SLC10A7: variants seen among roughly 807,000 people sequenced by gnomAD.
SLC10A7 encodes solute carrier family 10 member 7.
SLC10A7 carries 29 observed loss-of-function variants against 43.2 expected under a neutral mutation model. The ratio of observed to expected loss-of-function variants is 0.67; its 90% confidence interval spans 0.50 to 0.92. The LOEUF is 0.92. Ranked by LOEUF, SLC10A7 falls within the 40% of genes least tolerant of loss-of-function variation. The pLI, the probability that SLC10A7 is intolerant of heterozygous loss-of-function variation, is 0.00. For synonymous variants in SLC10A7, 152 were observed against 144.8 expected, an observed-to-expected ratio of 1.05 and a Z score of -0.35; for missense variants, 295 against 403.2, an observed-to-expected ratio of 0.73 and a Z score of 2.30.
chr4:146,314,767 A>G (rs913147033), intron 6 of SLC10A7, among the ~76,000 whole-genome samples: 15 of 152,062 alleles, frequency 9.9e-5, no homozygotes, highest in African/African-American at 2.9e-4. Flanking sequence ...GAGAGAGGAG[A>G]AGTGTGGCTT....
intron 10 of SLC10A7, among the ~76,000 whole-genome samples, chr4:146,265,360 G>C (rs1162513700): frequency 6.6e-6 from 1 of 152,174 alleles, no homozygotes; most frequent in Non-Finnish European, 1.5e-5. Flanking sequence ...CTGGCTCAGG[G>C]CTGGCACTTT....
At position 146,475,713 on chromosome 4, in the gene SLC10A7, T is replaced by C. The variant is rs1326870521; in HGVS notation, c.396+28136A>G. 3.9e-5 allele frequency among the ~76,000 whole-genome samples: 6 copies of C among 152,144 alleles called. No individual in the cohort carries two copies. In the East Asian group the frequency reaches 9.6e-4, roughly 24 times the overall value. On this transcript the variant is annotated intron_variant, in intron 4 of 11. Transcript: ENST00000335472. ...GATAAATATAACTTTAAATGAAAAC[T>C]ACAGAAATTGATCAAACAAGTAAAA... is the stretch of plus-strand genomic sequence containing the variant.
At chr4:146,390,172 A>G (rs894329678) in intron 5 of SLC10A7, among the ~76,000 whole-genome samples, 5 of 152,196 alleles carry the variant, frequency 3.3e-5, no homozygotes, top group Non-Finnish European at 7.3e-5. Context: ...CGAGCTCTTT[A>G]GTTGTAAGTA....
chr4:146,359,503 A>G (rs1735895433), intron 5 of SLC10A7, among the ~76,000 whole-genome samples: 1 of 152,088 alleles, frequency 6.6e-6, no homozygotes, highest in Admixed American at 6.6e-5. Flanking sequence ...GACTGGAAAA[A>G]CTATGGGTTT....
At chr4:146,456,774 C>T (rs1405675949) in intron 4 of SLC10A7, among the ~76,000 whole-genome samples, 2 of 151,796 alleles carry the variant, frequency 1.3e-5, no homozygotes. Context: ...ATCTCCAGCC[C>T]CCTCCTCTTC....
intron 4 of SLC10A7, among the ~76,000 whole-genome samples, chr4:146,446,784 CTATCTATCTATT>C (rs1308971511): frequency 3.3e-4 from 49 of 149,464 alleles, no homozygotes; most frequent in Non-Finnish European, 4.8e-4. Flanking sequence ...ATCTATCTAT[CTATCTATCTATT>C]TATCTATCTA....
chr4:146,302,168 T>A, intron 7 of SLC10A7, among the ~76,000 whole-genome samples: 1 of 152,188 alleles, frequency 6.6e-6, no homozygotes, highest in African/African-American at 2.4e-5. Context: ...GAAGAATGCA[T>A]AAGCCTTAAA....
At chr4:146,422,993 G>A (rs1351291783) in intron 5 of SLC10A7, among the ~76,000 whole-genome samples, 2 of 151,992 alleles carry the variant, frequency 1.3e-5, no homozygotes, top group African/African-American at 4.8e-5. Context: ...CAGCTACATT[G>A]AAAGCATTAC....
intron 6 of SLC10A7, among the ~76,000 whole-genome samples, chr4:146,319,483 C>T (rs1732546419): frequency 2.0e-5 from 3 of 152,174 alleles, no homozygotes; most frequent in African/African-American, 4.8e-5. Context: ...GTCTTCAGCA[C>T]TTATCACCCA....
At chr4:146,285,734 T>C (rs972265849) in intron 9 of SLC10A7, among the ~76,000 whole-genome samples, 1 of 152,250 alleles carries the variant, frequency 6.6e-6, no homozygotes, top group African/African-American at 2.4e-5. Flanking sequence ...AAGGAGTTGA[T>C]GCTGATGTAT....
At chr4:146,485,652 T>C (rs1385191638) in intron 4 of SLC10A7, among the ~76,000 whole-genome samples, 7 of 152,132 alleles carry the variant, frequency 4.6e-5, no homozygotes, top group Non-Finnish European at 1.0e-4. Context: ...AAAGCACATA[T>C]AAGTCCAGGT....
intron 4 of SLC10A7, among the ~76,000 whole-genome samples, chr4:146,453,863 G>A (rs528694909): frequency 1.3e-5 from 2 of 151,936 alleles, no homozygotes; most frequent in Non-Finnish European, 2.9e-5. Flanking sequence ...GCAATAGTTC[G>A]TGCATACCAA....
chr4:146,518,135 T>A (rs1399062403), intron 1 of SLC10A7, among the ~76,000 whole-genome samples: 1 of 152,170 alleles, frequency 6.6e-6, no homozygotes, highest in Admixed American at 6.5e-5. Context: ...TGTGAGTGGA[T>A]ATAAGTATCA....
intron 9 of SLC10A7, among the ~76,000 whole-genome samples, chr4:146,291,587 A>G (rs1366966353): frequency 6.6e-6 from 1 of 151,588 alleles, no homozygotes; most frequent in Non-Finnish European, 1.5e-5. Context: ...CTACCTTTCC[A>G]GTTACTATTA....
intron 4 of SLC10A7, among the ~76,000 whole-genome samples, chr4:146,444,392 C>T (rs935472147): frequency 2.0e-5 from 3 of 152,106 alleles, no homozygotes; most frequent in Admixed American, 6.6e-5. Flanking sequence ...CAATAACTAG[C>T]GGTCTTGTCT....
intron 9 of SLC10A7, among the ~76,000 whole-genome samples, chr4:146,288,213 G>A (rs1730164105): frequency 6.6e-6 from 1 of 152,196 alleles, no homozygotes; most frequent in African/African-American, 2.4e-5. Context: ...CAATAGGGTT[G>A]ACTTGTACTC....
chr4:146,414,374 T>TAGGAA (rs1348848119), intron 5 of SLC10A7, among the ~76,000 whole-genome samples: 1 of 152,154 alleles, frequency 6.6e-6, no homozygotes, highest in East Asian at 1.9e-4. Flanking sequence ...TCCACAACCC[T>TAGGAA]TCTAGCCTAT....
At chr4:146,488,395 A>C (rs545615071) in intron 4 of SLC10A7, among the ~76,000 whole-genome samples, 1 of 152,272 alleles carries the variant, frequency 6.6e-6, no homozygotes, top group South Asian at 2.1e-4. Context: ...TCAGAAAAAA[A>C]TATTTATTGA....
chr4:146,395,625 C>T (rs1028855778), intron 5 of SLC10A7, among the ~76,000 whole-genome samples: 2 of 152,170 alleles, frequency 1.3e-5, no homozygotes, highest in African/African-American at 4.8e-5. Flanking sequence ...GAGTCAGGTG[C>T]TGACACATAT....
Sources: gnomAD v4.1 joint callset for allele counts (sites outside exome capture counted in the v4.1 genomes callset) on GRCh38, gnomAD v4.1.1 for gene constraint, MANE v1.5 for transcripts, NCBI Gene and HGNC (gene_info 2026-07-23, HGNC 2026-07-21) for gene names.